ZNF354B: variants seen among roughly 807,000 people sequenced by gnomAD.
ZNF354B encodes the protein zinc finger protein 354B.
In ZNF354B, 10 loss-of-function variants were observed where a neutral mutation model predicts 12.9. The ratio of observed to expected loss-of-function variants is 0.77; its 90% confidence interval spans 0.48 to 1.31. ZNF354B has a LOEUF of 1.31. Among genes scored for constraint, ZNF354B ranks in the 40% most tolerant of loss-of-function variants. ZNF354B has a pLI of 0.00. For missense variants in ZNF354B, 614 were observed against 711.7 expected, an observed-to-expected ratio of 0.86 and a Z score of 1.56; for synonymous variants, 260 against 243.7, an observed-to-expected ratio of 1.07 and a Z score of -0.62.
At chr5:178,874,515 C>T (rs1246704286) in intron 4 of ZNF354B, among the ~76,000 whole-genome samples, 1 of 152,112 alleles carries the variant, frequency 6.6e-6, no homozygotes, top group African/African-American at 2.4e-5. Flanking sequence ...GAGATTTTTT[C>T]CTCAGCTTGG....
chr5:178,862,019 G>A (rs11740503), intron 2 of ZNF354B, among the ~76,000 whole-genome samples: 56,685 of 150,964 alleles, frequency 0.38, 10,919 homozygotes, highest in Non-Finnish European at 0.4. Flanking sequence ...GTTAATGTTG[G>A]TAGATAGAAA....
intron 2 of ZNF354B, among the ~76,000 whole-genome samples, chr5:178,862,026 G>C (rs1461461298): frequency 6.6e-6 from 1 of 152,188 alleles, no homozygotes; most frequent in Non-Finnish European, 1.5e-5. Flanking sequence ...TTGGTAGATA[G>C]AAACTGCTGT....
At chr5:178,870,182 A>G (rs551453188) in intron 4 of ZNF354B, among the ~76,000 whole-genome samples, 1 of 152,282 alleles carries the variant, frequency 6.6e-6, no homozygotes, top group African/African-American at 2.4e-5. Flanking sequence ...TATTTTAGAC[A>G]AAAACCTACC....
In ZNF354B at chr5:178,884,441, C is replaced by G. The variant is rs938881975; in HGVS notation, c.*150C>G. 1 of 796,238 alleles carries G rather than the reference C, an allele frequency of 1.3e-6. No individual in the cohort carries two copies. Among genetic ancestry groups the G allele is most frequent in the Non-Finnish European group, 1.9e-6 (1 of 532,888 alleles). The allele number at this position is 796,238 out of a possible 1,614,324, so 49.3% of individuals were successfully genotyped here. A position where few individuals can be genotyped will look rare whatever the true frequency, so the allele number is the denominator to read the frequency against. ...ATAACTTATGGGAAAAGCTTTTATA[C>G]TTGTCACTCACTTTTTAAAATATCC... is the stretch of plus-strand genomic sequence containing the variant. On this transcript the variant is annotated 3_prime_UTR_variant, in exon 5 of 5. Coordinates refer to ENST00000322434, the MANE Select transcript of ZNF354B (RefSeq NM_058230.3).
intron 1 of ZNF354B, 53 bp downstream of exon 1, chr5:178,860,180 G>C (rs563084933): frequency 1.4e-5 from 2 of 146,614 alleles, no homozygotes; most frequent in South Asian, 2.1e-4. Flanking sequence ...GCGCCAGGGC[G>C]ACCTGAGGCC....
At position 178,884,880 on chromosome 5, in the gene ZNF354B, A is replaced by C. The variant is rs1334386339; in HGVS notation, c.*589A>C. The stretch of plus-strand genomic sequence containing the variant: ...GGGACTACATTCGCACTTTCTCCTG[A>C]AATATATATATATATGCAGTATTAG... On this transcript the variant is annotated 3_prime_UTR_variant, in exon 5 of 5. Coordinates refer to ENST00000322434, the MANE Select transcript of ZNF354B (RefSeq NM_058230.3). 1 of 152,188 alleles carries C rather than the reference A, an allele frequency of 6.6e-6. No homozygotes were observed. Among genetic ancestry groups the C allele is most frequent in the Non-Finnish European group, 1.5e-5 (1 of 68,072 alleles). The allele number at this position is 152,188 out of a possible 1,614,324, so 9.4% of individuals were successfully genotyped here.
rs777761465 is a variant in ZNF354B, at chr5:178,884,216, C to T, written c.1764C>T (p.Ser588=). 11 of 1,613,748 alleles carry T rather than the reference C, an allele frequency of 6.8e-6. No homozygotes were observed. Among genetic ancestry groups the T allele is most frequent in the Non-Finnish European group, 7.6e-6 (9 of 1,179,818 alleles). Residue 588 remains serine, a synonymous_variant, in exon 5 of 5, where the codon AGC becomes AGT. Coordinates refer to ENST00000322434, the MANE Select transcript of ZNF354B (RefSeq NM_058230.3). ...GTAATGCATGTGGGAAACTCTTTAG[C>T]CAGAGGTCATCCCTTACTAATCATT... ...YECNACGKLF[S]QRSSLTNHYK... is the part of the protein sequence containing the mutation.
chr5:178,881,258 G>T (rs1315318548), intron 4 of ZNF354B, among the ~76,000 whole-genome samples: 2 of 152,040 alleles, frequency 1.3e-5, no homozygotes, highest in Non-Finnish European at 2.9e-5. Flanking sequence ...GGGAGGAATT[G>T]TGAGGGGCAG....
At chr5:178,869,354 C>G (rs1440137744) in intron 4 of ZNF354B, among the ~76,000 whole-genome samples, 2 of 152,180 alleles carry the variant, frequency 1.3e-5, no homozygotes, top group Non-Finnish European at 2.9e-5. Context: ...GGGAACCACA[C>G]TTGTGTTTTT....
At chr5:178,871,340 G>A (rs574201402) in intron 4 of ZNF354B, among the ~76,000 whole-genome samples, 2 of 152,164 alleles carry the variant, frequency 1.3e-5, no homozygotes, top group Non-Finnish European at 1.5e-5. Context: ...TTCTGTCTGG[G>A]ACTGTTCTTC....
chr5:178,877,140 A>G (rs990261043), intron 4 of ZNF354B, among the ~76,000 whole-genome samples: 2 of 151,722 alleles, frequency 1.3e-5, no homozygotes, highest in Admixed American at 6.6e-5. Flanking sequence ...GACTTTCTAA[A>G]TTCCCCATGT....
chr5:178,873,577 T>C (rs1453865370), intron 4 of ZNF354B, among the ~76,000 whole-genome samples: 2 of 146,892 alleles, frequency 1.4e-5, no homozygotes, highest in African/African-American at 5.2e-5. Context: ...CAAAAGTCAC[T>C]TGGGCGTGTT....
intron 4 of ZNF354B, among the ~76,000 whole-genome samples, chr5:178,872,247 G>A (rs1203101574): frequency 6.8e-6 from 1 of 148,046 alleles, no homozygotes; most frequent in Admixed American, 6.7e-5. Flanking sequence ...TGTGTACAAC[G>A]TTATGGGATT....
In ZNF354B at chr5:178,876,668, T is replaced by C. The variant is rs79199773; in HGVS notation, c.257-6041T>C. The stretch of plus-strand genomic sequence containing the variant: ...TTTTCCTATGGCCCGCTTAAACCTT[T>C]TGAATTTCCCTAGTGAAATTTTCAT... On this transcript the variant is annotated intron_variant, in intron 4 of 4. Coordinates refer to ENST00000322434, the MANE Select transcript of ZNF354B (RefSeq NM_058230.3). Among the ~76,000 whole-genome samples, 1,408 of 152,368 alleles carry C rather than the reference T, an allele frequency of 9.2e-3. 18 individuals are homozygous for C. Among genetic ancestry groups the C allele is most frequent in the African/African-American group, 0.032 (1,336 of 41,590 alleles).
Position 178,860,314 on chromosome 5 carries a change from C to T in ZNF354B, c.-52+187C>T, listed in dbSNP as rs372119843. Among the ~76,000 whole-genome samples, 37 of 140,928 alleles carry T rather than the reference C, an allele frequency of 2.6e-4. No homozygotes were observed. The East Asian group carries it at 5.9e-3, about 22-fold the overall frequency. 92.5% of individuals were successfully genotyped at this position (140,928 alleles called of 152,430 possible). On this transcript the variant is annotated intron_variant, in intron 1 of 4. Transcript: ENST00000322434. Reference sequence around the variant, plus strand: ...CCGGTGCCGCTGCCGACGCCCCTGCCTCTGGCTCGCGCCGCCCGCCGTGAA... The same window carrying T: ...CCGGTGCCGCTGCCGACGCCCCTGCTTCTGGCTCGCGCCGCCCGCCGTGAA...
intron 4 of ZNF354B, among the ~76,000 whole-genome samples, chr5:178,877,765 C>G (rs1478793348): frequency 6.6e-6 from 1 of 152,192 alleles, no homozygotes; most frequent in Non-Finnish European, 1.5e-5. Flanking sequence ...AGATGGGTAG[C>G]TGCTGCCAAC....
At chr5:178,873,750 A>T (rs1757595833) in intron 4 of ZNF354B, among the ~76,000 whole-genome samples, 1 of 152,110 alleles carries the variant, frequency 6.6e-6, no homozygotes, top group Non-Finnish European at 1.5e-5. Context: ...AGTTCTTTGT[A>T]TGAATTTTAG....
chr5:178,877,471 C>T (rs1256514878), intron 4 of ZNF354B, among the ~76,000 whole-genome samples: 1 of 152,104 alleles, frequency 6.6e-6, no homozygotes, highest in East Asian at 1.9e-4. Context: ...GCCAAATGTC[C>T]TTATCCTTAA....
chr5:178,869,640 C>T (rs912773500), intron 4 of ZNF354B, among the ~76,000 whole-genome samples: 1 of 152,136 alleles, frequency 6.6e-6, no homozygotes, highest in Non-Finnish European at 1.5e-5. Context: ...ATGACGAGTG[C>T]AGAGTTGTCC....
Sources: gnomAD v4.1 joint callset for allele counts (sites outside exome capture counted in the v4.1 genomes callset) on GRCh38, gnomAD v4.1.1 for gene constraint, MANE v1.5 for transcripts, NCBI Gene and HGNC (gene_info 2026-07-23, HGNC 2026-07-21) for gene names.